Variants in CYP2C19 observed in about 807,000 individuals in gnomAD.
The protein encoded by CYP2C19 is cytochrome P450 family 2 subfamily C member 19.
CYP2C19 carries 59 observed loss-of-function variants against 40.9 expected under a neutral mutation model. That is an observed-to-expected ratio of 1.44 (90% CI 1.17 to 1.79). CYP2C19 has a LOEUF of 1.79. Ranked by LOEUF, CYP2C19 falls within the 40% of genes most tolerant of loss-of-function variation. The pLI, the probability that CYP2C19 is intolerant of heterozygous loss-of-function variation, is 0.00. For missense variants in CYP2C19, 754 were observed against 596.9 expected (o/e 1.26, Z -2.74); for synonymous variants, 253 against 208.7 (o/e 1.21, Z -1.83).
chr10:94,803,670 C>A (rs1433066098), intron 5 of CYP2C19, among the ~76,000 whole-genome samples: 4 of 152,148 alleles, frequency 2.6e-5, no homozygotes, highest in South Asian at 4.1e-4. Context: ...AGCCATGGAG[C>A]TAAGAAACCT....
intron 8 of CYP2C19, among the ~76,000 whole-genome samples, chr10:94,851,241 GGAGA>G (rs760342551): frequency 6.6e-6 from 1 of 151,892 alleles, no homozygotes. Context: ...TGGAAGAGCA[GGAGA>G]GAGAGAGCAA....
At chr10:94,768,729 T>G (rs941804167) in intron 1 of CYP2C19, among the ~76,000 whole-genome samples, 1 of 152,146 alleles carries the variant, frequency 6.6e-6, no homozygotes, top group African/African-American at 2.4e-5. Context: ...ATCAATTTCC[T>G]TACTTAGGTA....
In CYP2C19 at chr10:94,842,825, G is replaced by T. The variant is rs746343886; in HGVS notation, c.962-12G>T. 3 of 1,613,772 alleles carry T rather than the reference G, an allele frequency of 1.9e-6. No individual in the cohort carries two copies. The highest frequency in any genetic ancestry group is 2.5e-6 in the Non-Finnish European group (3 of 1,179,880). ...TCTCCTTTTCCATCAGTTCTTACTT[G>T]TGTCTTGTCAGCTAAAGTCCAGGAA... On this transcript the variant is annotated splice_polypyrimidine_tract_variant and intron_variant, in intron 6 of 8. Coordinates refer to ENST00000371321, the MANE Select transcript of CYP2C19 (RefSeq NM_000769.4).
intron 5 of CYP2C19, among the ~76,000 whole-genome samples, chr10:94,818,924 A>T (rs551893076): frequency 6.6e-6 from 1 of 152,264 alleles, no homozygotes; most frequent in South Asian, 2.1e-4. Flanking sequence ...CTTCCAAATC[A>T]ACAGAATATA....
intron 5 of CYP2C19, among the ~76,000 whole-genome samples, chr10:94,790,009 T>C (rs551085664): frequency 9.2e-5 from 14 of 152,182 alleles, no homozygotes; most frequent in East Asian, 1.9e-4. Flanking sequence ...TTGTGTCCTC[T>C]TTTATTTCGT....
At position 94,850,955 on chromosome 10, in the gene CYP2C19, C is replaced by T. The variant is rs574301393; in HGVS notation, c.1291+897C>T. 5.1e-4 allele frequency among the ~76,000 whole-genome samples: 78 copies of T among 152,250 alleles called. 1 individual carries two copies. Among genetic ancestry groups the T allele is most frequent in the Admixed American group, 7.9e-4 (12 of 15,276 alleles). On this transcript the variant is annotated intron_variant, in intron 8 of 8. Coordinates refer to ENST00000371321, the MANE Select transcript of CYP2C19 (RefSeq NM_000769.4). ...GCTGAGCATCTGGTGATAGAATCTC[C>T]TTCCTTTTTCTGTGACCTTTGATGT...
At chr10:94,816,338 A>G (rs1849001876) in intron 5 of CYP2C19, among the ~76,000 whole-genome samples, 3 of 151,184 alleles carry the variant, frequency 2.0e-5, no homozygotes, top group Non-Finnish European at 2.9e-5. Flanking sequence ...AGTAGCCGGT[A>G]TAATTAGACA....
chr10:94,828,563 A>C (rs946080574), intron 6 of CYP2C19, among the ~76,000 whole-genome samples: 1 of 148,870 alleles, frequency 6.7e-6, no homozygotes, highest in African/African-American at 2.5e-5. Flanking sequence ...GTGTCTCTGC[A>C]CGTGAGATGG....
intron 6 of CYP2C19, among the ~76,000 whole-genome samples, chr10:94,829,003 C>G (rs1417738374): frequency 2.6e-5 from 4 of 152,262 alleles, no homozygotes; most frequent in African/African-American, 7.2e-5. Flanking sequence ...CCACTCTCTT[C>G]TGGCTTGTAG....
chr10:94,785,547 C>T lies in CYP2C19; in HGVS notation c.819+3550C>T, dbSNP rs185870208. ...TGTCTATCTTTATGCTAGTACCACA[C>T]TTTTGATTATTATACTTTGTAGTAA... On this transcript the variant is annotated intron_variant, in intron 5 of 8. Coordinates refer to ENST00000371321, the MANE Select transcript of CYP2C19 (RefSeq NM_000769.4). Among the ~76,000 whole-genome samples, 261 of 152,218 alleles carry T rather than the reference C, an allele frequency of 1.7e-3. 1 individual carries two copies. The highest frequency in any genetic ancestry group is 3.1e-3 in the Non-Finnish European group (214 of 68,024).
At chr10:94,799,669 A>G (rs1380423944) in intron 5 of CYP2C19, among the ~76,000 whole-genome samples, 1 of 152,072 alleles carries the variant, frequency 6.6e-6, no homozygotes, top group Admixed American at 6.5e-5. Context: ...ACATAGTCCA[A>G]TATTTCTTGG....
intron 7 of CYP2C19, among the ~76,000 whole-genome samples, chr10:94,846,662 C>T (rs1849576671): frequency 6.6e-6 from 1 of 151,708 alleles, no homozygotes; most frequent in African/African-American, 2.4e-5. Flanking sequence ...ATTTTTTAAA[C>T]TATTAGAATC....
At chr10:94,851,575 TA>T (rs1487550586) in intron 8 of CYP2C19, among the ~76,000 whole-genome samples, 3 of 152,180 alleles carry the variant, frequency 2.0e-5, no homozygotes, top group South Asian at 2.1e-4. Flanking sequence ...AGGCAACTGA[TA>T]AATAACAGAA....
intron 5 of CYP2C19, among the ~76,000 whole-genome samples, chr10:94,813,847 C>T (rs935890734): frequency 6.6e-6 from 1 of 151,706 alleles, no homozygotes; most frequent in Non-Finnish European, 1.5e-5. Context: ...AAAACCCCTC[C>T]AGCTATCTTG....
intron 5 of CYP2C19, among the ~76,000 whole-genome samples, chr10:94,794,579 T>C (rs1848656267): frequency 6.6e-6 from 1 of 152,182 alleles, no homozygotes. Flanking sequence ...TTTATTTTGT[T>C]GAGCAGTGGT....
At position 94,842,394 on chromosome 10, in the gene CYP2C19, T is replaced by C. The variant is rs1849508790; in HGVS notation, c.962-443T>C. ...TCTATGTGTGTTTTTTTAAGTGAAGTTTTTTTTTTTTTTTTTTTTAGGCAA... is the reference window on the plus strand; with the variant it reads ...TCTATGTGTGTTTTTTTAAGTGAAGCTTTTTTTTTTTTTTTTTTTAGGCAA... On this transcript the variant is annotated intron_variant, in intron 6 of 8. Transcript: ENST00000371321. Among the ~76,000 whole-genome samples the C allele has an allele frequency of 9.8e-4, 3 of 3,058 alleles. No individual in the cohort carries two copies. In the South Asian group the frequency reaches 0.021, roughly 22 times the overall value. 2.0% of individuals were successfully genotyped at this position (3,058 alleles called of 152,430 possible).
intron 6 of CYP2C19, among the ~76,000 whole-genome samples, chr10:94,826,435 TC>T (rs1371949490): frequency 6.6e-6 from 1 of 152,206 alleles, no homozygotes; most frequent in East Asian, 1.9e-4. Flanking sequence ...GAATGGTAGT[TC>T]ACTCATGATT....
At chr10:94,823,155 A>C (rs934910870) in intron 6 of CYP2C19, among the ~76,000 whole-genome samples, 2 of 152,208 alleles carry the variant, frequency 1.3e-5, no homozygotes, top group African/African-American at 2.4e-5. Context: ...AGTGTCCCTT[A>C]AGTCCCCTCA....
intron 5 of CYP2C19, among the ~76,000 whole-genome samples, chr10:94,796,836 G>C (rs543606028): frequency 1.3e-5 from 2 of 152,230 alleles, no homozygotes; most frequent in South Asian, 4.1e-4. Flanking sequence ...TTTGTACATT[G>C]ATTTTGTATC....
Sources: allele counts gnomAD v4.1 joint callset (sites outside exome capture counted in the v4.1 genomes callset), GRCh38; gene constraint gnomAD v4.1.1; transcripts MANE v1.5; gene names NCBI Gene and HGNC (gene_info 2026-07-23, HGNC 2026-07-21).